Variants in KANSL3 observed in about 807,000 individuals in gnomAD.
KANSL3 encodes the protein NSL complex protein NSL3.
A neutral mutation model predicts 89.2 loss-of-function variants in KANSL3; 16 were observed. That is an observed-to-expected ratio of 0.18 (90% CI 0.12 to 0.27). The LOEUF is 0.27. Ranked by LOEUF, KANSL3 falls within the 10% of genes least tolerant of loss-of-function variation. The probability of loss-of-function intolerance (pLI) is 1.00; values close to 1 mark genes in which losing one functional copy is unlikely to be tolerated. For missense variants in KANSL3, 879 were observed against 1,110.6 expected, an observed-to-expected ratio of 0.79 and a Z score of 2.96; for synonymous variants, 385 against 419.7, an observed-to-expected ratio of 0.92 and a Z score of 1.01.
intron 20 of KANSL3, 122 bp downstream of exon 20, chr2:96,601,521 T>C: frequency 7.0e-7 from 1 of 1,422,442 alleles, no homozygotes. Flanking sequence ...GAATACAGAT[T>C]TGAATTTGAA....
chr2:96,599,758 C>G, intron 20 of KANSL3: 1 of 425,466 alleles, frequency 2.4e-6, no homozygotes, highest in Non-Finnish European at 3.1e-6. Flanking sequence ...TCATAAAAGA[C>G]ATAAAACTTC....
chr2:96,614,985 C>G (rs988409359), intron 5 of KANSL3: 23 of 150,596 alleles, frequency 1.5e-4, no homozygotes, highest in African/African-American at 5.6e-4. Context: ...TGGGATAAAA[C>G]AGATTTCTAA....
intron 14 of KANSL3, chr2:96,607,116 GAAAAAA>G (rs1237536657): frequency 9.7e-7 from 1 of 1,029,464 alleles, no homozygotes; most frequent in African/African-American, 1.7e-5. Context: ...GAGGGAATAA[GAAAAAA>G]GGTTGTAGAA....
chr2:96,622,450 T>A (rs1329664281), intron 3 of KANSL3, among the ~76,000 whole-genome samples: 2 of 151,940 alleles, frequency 1.3e-5, no homozygotes, highest in African/African-American at 4.8e-5. Context: ...ATTAATAAAG[T>A]ATTATTTTTC....
At chr2:96,610,307 G>C (rs900803887) in intron 11 of KANSL3, 1 of 152,600 alleles carries the variant, frequency 6.6e-6, no homozygotes, top group Non-Finnish European at 1.5e-5. Context: ...TTTTAATGCT[G>C]TCTTTTTTTA....
chr2:96,624,824 T>A (rs2071998963), intron 3 of KANSL3, among the ~76,000 whole-genome samples: 1 of 152,080 alleles, frequency 6.6e-6, no homozygotes, highest in Non-Finnish European at 1.5e-5. Context: ...TGCCCAGCCC[T>A]ATCTATCTAT....
At chr2:96,600,095 T>C (rs1222562684) in intron 20 of KANSL3, among the ~76,000 whole-genome samples, 1 of 152,178 alleles carries the variant, frequency 6.6e-6, no homozygotes, top group East Asian at 1.9e-4. Context: ...TACATCTTCA[T>C]ACATCTACTC....
At chr2:96,611,944 A>C (rs1573429345) in intron 9 of KANSL3, among the ~76,000 whole-genome samples, 1 of 35,604 alleles carries the variant, frequency 2.8e-5, no homozygotes, top group African/African-American at 2.1e-4. Context: ...TGTGTATGTG[A>C]AAATGCTATT....
In KANSL3 at chr2:96,608,835, C is replaced by G. The variant is rs571303914; in HGVS notation, c.1584+29G>C. 2.1e-5 allele frequency: 32 copies of G among 1,530,688 alleles called. No individual in the cohort carries two copies. The South Asian group carries it at 4.0e-4, about 19-fold the overall frequency. The allele number at this position is 1,530,688 out of a possible 1,614,324, so 94.8% of individuals were successfully genotyped here. ...CAACTCTGTGGTGCTGATTCCCCAG[C>G]AAAAGCGCTCCCTCCCTGCTCACAC... On this transcript the variant is annotated intron_variant, in intron 13 of 20. Transcript: ENST00000431828.
the KANSL3 span, among the ~76,000 whole-genome samples, chr2:96,584,579 C>A: frequency 6.6e-6 from 1 of 152,202 alleles, no homozygotes; most frequent in Non-Finnish European, 1.5e-5. Flanking sequence ...ACACTCCCTA[C>A]TTCTATAAGA....
At chr2:96,601,281 A>G in intron 20 of KANSL3, 1 of 979,694 alleles carries the variant, frequency 1.0e-6, no homozygotes, top group Non-Finnish European at 1.2e-6. Flanking sequence ...AAATAAAAAT[A>G]AAAACAAAGA....
chr2:96,597,197 A>G (rs1011507230), intron 20 of KANSL3, among the ~76,000 whole-genome samples: 28 of 152,208 alleles, frequency 1.8e-4, no homozygotes, highest in African/African-American at 6.5e-4. Context: ...AAGGTTAACA[A>G]TTCCGTAATA....
chr2:96,623,226 C>T (rs1348295896), intron 3 of KANSL3, among the ~76,000 whole-genome samples: 1 of 152,202 alleles, frequency 6.6e-6, no homozygotes, highest in Non-Finnish European at 1.5e-5. Context: ...AGGTCCCTAT[C>T]CAAACCCTCA....
At chr2:96,633,847 A>G (rs1429290514) in intron 2 of KANSL3, among the ~76,000 whole-genome samples, 1 of 152,212 alleles carries the variant, frequency 6.6e-6, no homozygotes, top group East Asian at 1.9e-4. Flanking sequence ...CCTGGGTGAC[A>G]GAGCAAGACT....
At chr2:96,598,935 A>G (rs75704110) in intron 20 of KANSL3, among the ~76,000 whole-genome samples, 5 of 140,482 alleles carry the variant, frequency 3.6e-5, no homozygotes, top group African/African-American at 1.4e-4. Flanking sequence ...AAAAAAAAAA[A>G]GGAAATGTTT....
the KANSL3 span, among the ~76,000 whole-genome samples, chr2:96,580,992 G>A: frequency 6.6e-6 from 1 of 152,208 alleles, no homozygotes; most frequent in East Asian, 1.9e-4. Flanking sequence ...AAAACATCTG[G>A]CTCTTTCCCA....
intron 14 of KANSL3, chr2:96,606,987 G>A (rs559595888): frequency 3.8e-5 from 49 of 1,289,246 alleles, no homozygotes; most frequent in Non-Finnish European, 4.7e-5. Flanking sequence ...ACAGGAGGAG[G>A]TGCCAGGAGG....
intron 3 of KANSL3, among the ~76,000 whole-genome samples, chr2:96,626,592 T>A (rs1231609381): frequency 6.6e-6 from 1 of 152,212 alleles, no homozygotes; most frequent in African/African-American, 2.4e-5. Flanking sequence ...GGAAATGTCC[T>A]AAAATCCATT....
the KANSL3 span, among the ~76,000 whole-genome samples, chr2:96,587,038 C>T: frequency 2.6e-5 from 4 of 152,196 alleles, no homozygotes; most frequent in Non-Finnish European, 4.4e-5. Flanking sequence ...CTTATCTCTT[C>T]CAATAATTCT....
Sources: gnomAD v4.1 joint callset for allele counts (sites outside exome capture counted in the v4.1 genomes callset) on GRCh38, gnomAD v4.1.1 for gene constraint, MANE v1.5 for transcripts, NCBI Gene and HGNC (gene_info 2026-07-23, HGNC 2026-07-21) for gene names.